Variants in CSMD1 observed in about 807,000 individuals in gnomAD.
CSMD1 encodes CUB and Sushi multiple domains 1.
CSMD1 carries 213 observed loss-of-function variants against 417.5 expected under a neutral mutation model. That is an observed-to-expected ratio of 0.51 (90% CI 0.46 to 0.57). The LOEUF (loss-of-function observed/expected upper bound fraction) is 0.57, where lower values mean the gene tolerates loss of function less well. Ranked by LOEUF, CSMD1 falls within the 20% of genes least tolerant of loss-of-function variation. The probability of loss-of-function intolerance (pLI) is 0.00; values close to 1 mark genes in which losing one functional copy is unlikely to be tolerated. For missense variants in CSMD1, 6,923 were observed against 4,529.7 expected (o/e 1.53, Z -15.17); for synonymous variants, 2,862 against 1,736.8 (o/e 1.65, Z -16.11).
intron 25 of CSMD1, among the ~76,000 whole-genome samples, chr8:3,294,151 A>G (rs1803786340): frequency 6.6e-6 from 1 of 152,180 alleles, no homozygotes; most frequent in Non-Finnish European, 1.5e-5. Flanking sequence ...GATGTTGGTG[A>G]ACAGCAAATG....
At chr8:3,671,647 T>C (rs73183304) in intron 7 of CSMD1, among the ~76,000 whole-genome samples, 19,191 of 145,334 alleles carry the variant, frequency 0.13, 1,795 homozygotes, top group South Asian at 0.2. Context: ...CTATTTAGGC[T>C]TCACAAGCCT....
intron 21 of CSMD1, among the ~76,000 whole-genome samples, chr8:3,354,086 A>G (rs1808584901): frequency 6.6e-6 from 1 of 152,214 alleles, no homozygotes; most frequent in Non-Finnish European, 1.5e-5. Context: ...ATGCATATTC[A>G]ATATTCGGCA....
At chr8:4,984,683 C>A (rs1400003576) in intron 1 of CSMD1, among the ~76,000 whole-genome samples, 4 of 152,174 alleles carry the variant, frequency 2.6e-5, no homozygotes, top group African/African-American at 7.2e-5. Context: ...ATGGAGAGAA[C>A]AAACCACTTG....
At chr8:3,400,855 C>G (rs975741224) in intron 15 of CSMD1, among the ~76,000 whole-genome samples, 2 of 150,756 alleles carry the variant, frequency 1.3e-5, no homozygotes, top group African/African-American at 4.9e-5. Flanking sequence ...TATTTTTATA[C>G]CTATGCATTA....
At chr8:3,646,192 ATTATT>A (rs1379448480) in intron 7 of CSMD1, among the ~76,000 whole-genome samples, 3 of 152,148 alleles carry the variant, frequency 2.0e-5, no homozygotes, top group South Asian at 2.1e-4. Context: ...ATAGTGATAC[ATTATT>A]TTATCATATT....
intron 2 of CSMD1, among the ~76,000 whole-genome samples, chr8:4,499,047 C>A (rs1014333): frequency 0.74 from 113,049 of 152,024 alleles, 42,030 homozygotes; most frequent in Middle Eastern, 0.82. Flanking sequence ...GTACAGATCT[C>A]TTAAGAATAC....
At chr8:4,520,193 CA>C (rs1803363798) in intron 2 of CSMD1, among the ~76,000 whole-genome samples, 1 of 152,034 alleles carries the variant, frequency 6.6e-6, no homozygotes, top group African/African-American at 2.4e-5. Context: ...CATAAAAATG[CA>C]ATATCGTGGC....
At chr8:4,591,540 G>A (rs996802139) in intron 2 of CSMD1, among the ~76,000 whole-genome samples, 8 of 152,174 alleles carry the variant, frequency 5.3e-5, no homozygotes, top group Admixed American at 3.3e-4. Flanking sequence ...CAGAGTGAAG[G>A]ACACAGAGAG....
chr8:4,162,344 T>C (rs111310716), intron 3 of CSMD1, among the ~76,000 whole-genome samples: 60 of 152,294 alleles, frequency 3.9e-4, no homozygotes, highest in Admixed American at 1.1e-3. Context: ...AGAAAAGTGC[T>C]TGTTTTTAGG....
At chr8:4,987,018 G>C (rs1013609112) in intron 1 of CSMD1, among the ~76,000 whole-genome samples, 1 of 151,970 alleles carries the variant, frequency 6.6e-6, no homozygotes, top group Non-Finnish European at 1.5e-5. Context: ...TATACATCAG[G>C]TATTACACAT....
chr8:3,381,412 C>G (rs181786581), intron 18 of CSMD1, among the ~76,000 whole-genome samples: 3 of 152,100 alleles, frequency 2.0e-5, no homozygotes, highest in Non-Finnish European at 4.4e-5. Flanking sequence ...CATAAACATT[C>G]AAGTAAAATT....
intron 5 of CSMD1, among the ~76,000 whole-genome samples, chr8:3,837,996 T>C (rs7012195): frequency 0.37 from 55,881 of 151,944 alleles, 11,029 homozygotes; most frequent in African/African-American, 0.52. Flanking sequence ...TTCTTGGACT[T>C]CTGATGCCCT....
intron 1 of CSMD1, among the ~76,000 whole-genome samples, chr8:4,956,480 C>A (rs1047929331): frequency 3.4e-5 from 5 of 147,640 alleles, no homozygotes; most frequent in Non-Finnish European, 5.9e-5. Context: ...TTATAAAATG[C>A]ATATGTGTAT....
intron 46 of CSMD1, among the ~76,000 whole-genome samples, chr8:3,104,710 CTTTTTTTTTT>C (rs34005345): frequency 3.9e-4 from 53 of 135,020 alleles, no homozygotes; most frequent in African/African-American, 1.5e-3. Flanking sequence ...TTTTTCTTTT[CTTTTTTTTTT>C]TTTTTGAGAC....
chr8:3,060,151 C>CTTTTT (rs34354746), intron 49 of CSMD1, among the ~76,000 whole-genome samples: 3 of 140,078 alleles, frequency 2.1e-5, no homozygotes, highest in African/African-American at 2.6e-5. Flanking sequence ...TTACTAACAA[C>CTTTTT]TTTTTTTTTT....
At chr8:3,114,992 T>C (rs1264792421) in intron 42 of CSMD1, among the ~76,000 whole-genome samples, 1 of 152,172 alleles carries the variant, frequency 6.6e-6, no homozygotes, top group Non-Finnish European at 1.5e-5. Context: ...TCAAGTTTAT[T>C]ATGATAGTGT....
At chr8:3,823,745 C>A (rs76153384) in intron 5 of CSMD1, among the ~76,000 whole-genome samples, 1 of 152,020 alleles carries the variant, frequency 6.6e-6, no homozygotes, top group Non-Finnish European at 1.5e-5. Context: ...ACAAAGTAAA[C>A]TTATATGTTT....
Position 3,468,749 on chromosome 8 carries a change from A to G in CSMD1, c.1524T>C (p.Asp508=). The stretch of plus-strand genomic sequence containing the variant: ...CTTTAAACCCAGGTGAGCCAATGCT[A>G]TCATCCGACTGCAGATGTAGCCACA... ...NQMWLHLQSD[D]SIGSPGFKAV... The change falls in exon 12 of 70, where the codon GAT becomes GAC. Residue 508 remains aspartate (D), a synonymous_variant. Coordinates refer to ENST00000635120, the MANE Select transcript of CSMD1 (RefSeq NM_033225.6). 3 of 1,607,154 alleles carry G rather than the reference A, an allele frequency of 1.9e-6. No individual in the cohort carries two copies. The highest frequency in any genetic ancestry group is 2.5e-6 in the Non-Finnish European group (3 of 1,176,960).
chr8:3,658,260 A>C (rs1364301320), intron 7 of CSMD1, among the ~76,000 whole-genome samples: 1 of 152,040 alleles, frequency 6.6e-6, no homozygotes, highest in Non-Finnish European at 1.5e-5. Flanking sequence ...TGGGAGTGAA[A>C]TGTATTTTTT....
Sources: gnomAD v4.1 joint callset for allele counts (sites outside exome capture counted in the v4.1 genomes callset) on GRCh38, gnomAD v4.1.1 for gene constraint, MANE v1.5 for transcripts, NCBI Gene and HGNC (gene_info 2026-07-23, HGNC 2026-07-21) for gene names.